The following MIB2 variants were observed in gnomAD, a reference collection of about 807,000 sequenced individuals.
The protein encoded by MIB2 is E3 ubiquitin-protein ligase MIB2.
MIB2 carries 78 observed loss-of-function variants against 96.6 expected under a neutral mutation model. The ratio of observed to expected loss-of-function variants is 0.81; its 90% CI spans 0.67 to 0.97. The LOEUF is 0.97. Ranked by LOEUF, MIB2 falls within the 50% of genes least tolerant of loss-of-function variation. The pLI, the probability that MIB2 is intolerant of heterozygous loss-of-function variation, is 0.00. For synonymous variants in MIB2, 820 were observed against 629.5 expected, an observed-to-expected ratio of 1.30 and a Z score of -4.53; for missense variants, 1,543 against 1,424.0, an observed-to-expected ratio of 1.08 and a Z score of -1.35.
intron 2 of MIB2, among the ~76,000 whole-genome samples, chr1:1,622,325 G>C (rs1644336303): frequency 6.6e-6 from 1 of 152,220 alleles, no homozygotes; most frequent in Admixed American, 6.5e-5. Context: ...TCCACCTTCT[G>C]ATTTTCCCTC....
At chr1:1,615,700 C>T (rs1047559384) in intron 1 of MIB2, 67 bp downstream of exon 1, 16 of 1,512,270 alleles carry the variant, frequency 1.1e-5, no homozygotes, top group South Asian at 2.5e-5. Flanking sequence ...TCCGCTCTGG[C>T]AGAACGCGAG....
At chr1:1,614,656 G>A (rs979300039), upstream of MIB2, 3 of 152,296 alleles carry the variant, frequency 2.0e-5, no homozygotes, top group South Asian at 2.1e-4. Context: ...GACCACGTGA[G>A]GGGTGCAGCG....
chr1:1,625,857 G>A lies in MIB2; in HGVS notation c.972+204G>A, dbSNP rs1332560364. 5 of 590,260 alleles carry A rather than the reference G, an allele frequency of 8.5e-6. No individual in the cohort carries two copies. The highest frequency in any genetic ancestry group is 3.7e-5 in the African/African-American group (2 of 53,590). The allele number at this position is 590,260 out of a possible 1,614,324, so 36.6% of individuals were successfully genotyped here. A position where few individuals can be genotyped will look rare whatever the true frequency, so the allele number is the denominator to read the frequency against. ...TTGGGTGTGAAGGAACCCAGAGGAG[G>A]GTATGTCTCTGGGAGCTGGAATGGG... On this transcript the variant is annotated intron_variant, in intron 8 of 19. Transcript: ENST00000355826. This position sits in a 1 kb window ranked among gnomAD's most constrained non-coding sequence, Gnocchi z 5.0.
intron 2 of MIB2, among the ~76,000 whole-genome samples, chr1:1,620,226 C>T (rs1644128145): frequency 6.6e-6 from 1 of 152,256 alleles, no homozygotes; most frequent in Non-Finnish European, 1.5e-5. Flanking sequence ...GCTAAGCTGG[C>T]TGTGGCTGAG....
rs200373195 is a variant in MIB2, at chr1:1,627,729, T to A, written c.1580T>A (p.Ile527Asn). 6.3e-7 allele frequency: 1 copy of A among 1,595,872 alleles called. No individual in the cohort carries two copies. The highest frequency in any genetic ancestry group is 8.5e-7 in the Non-Finnish European group (1 of 1,178,756). Residue 527 changes from isoleucine to asparagine, a missense_variant, in exon 13 of 20, where the codon ATC becomes AAC. Coordinates refer to ENST00000355826, the MANE Select transcript of MIB2 (RefSeq NM_001170687.4). ...AGTGCTGGGTGCCGGGCGGACGCCA[T>A]CAACAGCACCCAGAGCACAGCACTG... is the stretch of plus-strand genomic sequence containing the variant. ...LLSAGCRADA[I>N]NSTQSTALHV... is the part of the protein sequence containing the mutation.
intron 2 of MIB2, chr1:1,623,060 C>T: frequency 5.2e-6 from 2 of 386,124 alleles, no homozygotes; most frequent in East Asian, 4.5e-5. Flanking sequence ...GACGGCAGCT[C>T]TTACTTTAGT....
rs201947158 is a variant in MIB2 at position 1,628,684 on chromosome 1, G to A, written c.2164G>A (p.Ala722Thr). ...GCTGCTGCCCCTGGTGGCTGATGGGGCCGGGGGGGACCCAGGGCCCTTGCA... is the reference window on the plus strand; with the variant it reads ...GCTGCTGCCCCTGGTGGCTGATGGGACCGGGGGGGACCCAGGGCCCTTGCA... ...HQLLPLVADGAGGDPGPLQLL... is the reference protein window; with the variant it reads ...HQLLPLVADGTGGDPGPLQLL... Residue 722 changes from alanine (A) to threonine (T), a missense_variant, in exon 16 of 20, where the codon GCC becomes ACC. Physicochemically the swap from Ala to Thr is moderately conservative, Grantham distance 58 (BLOSUM62 0). Coordinates refer to ENST00000355826, the MANE Select transcript of MIB2 (RefSeq NM_001170687.4). 5,515 of 1,573,394 alleles carry A rather than the reference G, an allele frequency of 3.5e-3. 16 individuals carry two copies. Among genetic ancestry groups the A allele is most frequent in the Middle Eastern group, 7.0e-3 (31 of 4,416 alleles).
Position 1,628,043 on chromosome 1 carries a change from C to T in MIB2, c.1705C>T (p.His569Tyr), listed in dbSNP as rs752011171. ...LPDAHSDTPL[H>Y]SAISAGTGAS... Reference sequence around the variant, plus strand: ...GGACGCCCACTCGGACACGCCCCTGCACTCCGCCATCTCGGCGGGCACTGG... The same window carrying T: ...GGACGCCCACTCGGACACGCCCCTGTACTCCGCCATCTCGGCGGGCACTGG... Residue 569 changes from histidine to tyrosine, a missense_variant, in exon 14 of 20, where the codon CAC becomes TAC. His to Tyr is a moderately conservative substitution (Grantham distance 83). Transcript: ENST00000355826. 1.9e-5 allele frequency: 30 copies of T among 1,613,026 alleles called. No individual in the cohort carries two copies. Among genetic ancestry groups the T allele is most frequent in the Non-Finnish European group, 3.4e-6 (4 of 1,179,964 alleles).
In MIB2 at chr1:1,627,862, G is replaced by A. The variant is rs546765287; in HGVS notation, c.1680+33G>A. The A allele has an allele frequency of 1.7e-5, 27 of 1,595,946 alleles. No individual in the cohort carries two copies. In the South Asian group the frequency reaches 2.8e-4, roughly 16 times the overall value. Reference sequence around the variant, plus strand: ...CTGCTCCCTGGCCTGGGTGCCCCCTGCCCGTGAGTGCTTGTCCCTGGCCTG... The same window carrying A: ...CTGCTCCCTGGCCTGGGTGCCCCCTACCCGTGAGTGCTTGTCCCTGGCCTG... On this transcript the variant is annotated intron_variant, in intron 13 of 19. Coordinates refer to ENST00000355826, the MANE Select transcript of MIB2 (RefSeq NM_001170687.4).
At chr1:1,624,645 C>A in intron 4 of MIB2, 150 bp from the exon 5 acceptor site, 3 of 743,568 alleles carry the variant, frequency 4.0e-6, no homozygotes, top group Non-Finnish European at 7.0e-6. Flanking sequence ...CCTGCTGGAC[C>A]GGCCATTCCC....
chr1:1,629,238 G>C lies in MIB2; in HGVS notation c.2308G>C (p.Gly770Arg), dbSNP rs753617683. ...GADVSYTNHR[G>R]RSPLDLAAEG... ...CGACGTGAGCTACACCAACCACCGC[G>C]GTCGGAGCCCGCTGGACCTGGCCGC... Residue 770 changes from glycine to arginine, a missense_variant, in exon 17 of 20, where the codon GGT becomes CGT. Transcript: ENST00000355826. 1.9e-6 allele frequency: 3 copies of C among 1,545,144 alleles called. No individual in the cohort carries two copies. Among genetic ancestry groups the C allele is most frequent in the South Asian group, 2.4e-5 (2 of 84,262 alleles).
chr1:1,621,223 A>C (rs1644232680), intron 2 of MIB2, among the ~76,000 whole-genome samples: 1 of 152,024 alleles, frequency 6.6e-6, no homozygotes, highest in African/African-American at 2.4e-5. Context: ...GCCCATGGGG[A>C]GGGCCTGTGG....
chr1:1,624,086 G>A (rs28617190), intron 4 of MIB2, 141 bp downstream of exon 4: 400,630 of 1,068,470 alleles, frequency 0.37, 78,443 homozygotes, highest in African/African-American at 0.58. Context: ...GCCTTAAGCA[G>A]TGGTGCCATG....
In MIB2 at chr1:1,620,491, G is replaced by A. The variant is rs113005410; in HGVS notation, c.-22-2940G>A. 6.6e-5 allele frequency among the ~76,000 whole-genome samples: 10 copies of A among 152,320 alleles called. 1 individual carries two copies. The highest frequency in any genetic ancestry group is 1.9e-4 in the East Asian group (1 of 5,176). On this transcript the variant is annotated intron_variant, in intron 2 of 19. Transcript: ENST00000355826. ...GCTTAGTGTGATTCCAGCTGTGGCCGATTCTGGTGGGATCCTGGCAAGGAG... is the reference window on the plus strand; with the variant it reads ...GCTTAGTGTGATTCCAGCTGTGGCCAATTCTGGTGGGATCCTGGCAAGGAG...
chr1:1,630,515 C>G lies in MIB2; in HGVS notation c.2853C>G (p.Ile951Met), dbSNP rs1638718898. 1 of 1,587,402 alleles carries G rather than the reference C, an allele frequency of 6.3e-7. No individual in the cohort carries two copies. Among genetic ancestry groups the G allele is most frequent in the Non-Finnish European group, 8.5e-7 (1 of 1,173,322 alleles). Residue 951 changes from isoleucine (I) to methionine (M), a missense_variant, in exon 20 of 20, where the codon ATC becomes ATG. By Grantham distance (10) the Ile-to-Met change is conservative. Coordinates refer to ENST00000355826, the MANE Select transcript of MIB2 (RefSeq NM_001170687.4). ...GCCGCCAGCCCATCCGCGACCGCAT[C>G]CAGATCTTCGTGTGAGCCGCGCCGT... is the stretch of plus-strand genomic sequence containing the variant. ...PICRQPIRDRIQIFV is the reference protein window; with the variant it reads ...PICRQPIRDRMQIFV
rs913460544 is a variant in MIB2, at chr1:1,623,646, G to A, written c.194G>A (p.Arg65His). The A allele has an allele frequency of 2.7e-6, 4 of 1,477,564 alleles. No individual in the cohort carries two copies. The highest frequency in any genetic ancestry group is 2.5e-5 in the East Asian group (1 of 40,202). 91.5% of individuals were successfully genotyped at this position (1,477,564 alleles called of 1,614,324 possible). A position where few individuals can be genotyped will look rare whatever the true frequency, so the allele number is the denominator to read the frequency against. Reference protein sequence around the residue: ...QWDQGTRTNYRAGYQGAHDLL... With the variant: ...QWDQGTRTNYHAGYQGAHDLL... ...GACCAGGGCACGCGCACCAACTACC[G>A]CGCCGGCTACCAGGGCGCGCACGAC... The change falls in exon 3 of 20, where the codon CGC becomes CAC. Residue 65 changes from arginine (R) to histidine (H), a missense_variant. Coordinates refer to ENST00000355826, the MANE Select transcript of MIB2 (RefSeq NM_001170687.4).
At chr1:1,627,554 C>T (rs1644917262) in intron 12 of MIB2, 110 bp downstream of exon 12, 1 of 1,470,688 alleles carries the variant, frequency 6.8e-7, no homozygotes, top group Admixed American at 2.5e-5. Flanking sequence ...GGGGTGAGGC[C>T]TGGGAGGGGC....
intron 16 of MIB2, 169 bp from the exon 17 acceptor site, chr1:1,628,962 TCA>T: frequency 1.3e-6 from 1 of 755,108 alleles, no homozygotes; most frequent in Non-Finnish European, 2.0e-6. Flanking sequence ...GTCTCAGAGC[TCA>T]CCTAGCAGGG....
Position 1,625,467 on chromosome 1 carries a change from T to TACCCC in MIB2, c.864+39_864+40insACCCC. ...CCGTGGAGCCCTGTGTGCCCTGCCC[T>TACCCC]CCCAGCCCTCCGCCCCCTCAGCCCC... On this transcript the variant is annotated intron_variant, in intron 7 of 19. Coordinates refer to ENST00000355826, the MANE Select transcript of MIB2 (RefSeq NM_001170687.4). The surrounding 1 kb of genome is among the most constrained non-coding windows in gnomAD (Gnocchi z 5.0). 4 of 1,538,654 alleles carry TACCCC rather than the reference T, an allele frequency of 2.6e-6. No homozygotes were observed. The highest frequency in any genetic ancestry group is 3.5e-6 in the Non-Finnish European group (4 of 1,134,400).
Sources: allele counts gnomAD v4.1 joint callset (sites outside exome capture counted in the v4.1 genomes callset), GRCh38; gene constraint gnomAD v4.1.1; non-coding constraint Gnocchi (gnomAD v3.1); transcripts MANE v1.5; gene names NCBI Gene and HGNC (gene_info 2026-07-23, HGNC 2026-07-21).